MIB1: variants seen among roughly 807,000 people sequenced by gnomAD.
MIB1 encodes E3 ubiquitin-protein ligase MIB1.
MIB1 carries 278 observed loss-of-function variants against 124.5 expected under a neutral mutation model. That is an observed-to-expected ratio of 2.23 (90% confidence interval 2.02 to 2.47). The LOEUF is 2.47. MIB1 is among the 30% of genes most tolerant of loss of function. MIB1 has a pLI of 0.00. For missense variants in MIB1, 957 were observed against 1,254.4 expected, an observed-to-expected ratio of 0.76 and a Z score of 3.58; for synonymous variants, 446 against 429.4, an observed-to-expected ratio of 1.04 and a Z score of -0.48.
intron 1 of MIB1, among the ~76,000 whole-genome samples, chr18:21,757,297 C>T (rs1479530936): frequency 6.6e-6 from 1 of 150,814 alleles, no homozygotes; most frequent in African/African-American, 2.4e-5. Flanking sequence ...ACTGAAAATA[C>T]AAAAATTAGC....
intron 5 of MIB1, among the ~76,000 whole-genome samples, chr18:21,779,066 A>G (rs989028072): frequency 1.3e-5 from 2 of 152,188 alleles, no homozygotes; most frequent in Non-Finnish European, 2.9e-5. Context: ...TTAAAATAAG[A>G]TAGTACTAAG....
intron 14 of MIB1, among the ~76,000 whole-genome samples, 188 bp downstream of exon 14, chr18:21,843,405 T>C (rs1375453140): frequency 2.0e-5 from 3 of 152,212 alleles, no homozygotes; most frequent in Non-Finnish European, 2.9e-5. Context: ...TGAGATTGGC[T>C]TCTATATATA....
intron 10 of MIB1, among the ~76,000 whole-genome samples, chr18:21,810,194 A>G (rs1446471267): frequency 1.3e-4 from 20 of 152,120 alleles, no homozygotes; most frequent in Admixed American, 1.3e-3. Flanking sequence ...AACGAAGGAG[A>G]TAAGACTTAT....
At chr18:21,810,304 T>A (rs968510851) in intron 10 of MIB1, among the ~76,000 whole-genome samples, 2 of 151,126 alleles carry the variant, frequency 1.3e-5, no homozygotes, top group Non-Finnish European at 3.0e-5. Flanking sequence ...ATTGTTAAGA[T>A]GTCAGTACTA....
At chr18:21,820,727 A>G (rs1441234088) in intron 12 of MIB1, among the ~76,000 whole-genome samples, 1 of 152,214 alleles carries the variant, frequency 6.6e-6, no homozygotes, top group Admixed American at 6.5e-5. Context: ...CACATGCATC[A>G]TCTCACTTAA....
At chr18:21,843,461 T>C (rs191986842) in intron 14 of MIB1, among the ~76,000 whole-genome samples, 1 of 152,214 alleles carries the variant, frequency 6.6e-6, no homozygotes, top group African/African-American at 2.4e-5. Context: ...TAGAAGGGAT[T>C]AGGAAAATTG....
chr18:21,733,775 G>A (rs1294081748), intron 1 of MIB1, among the ~76,000 whole-genome samples: 1 of 151,442 alleles, frequency 6.6e-6, no homozygotes, highest in East Asian at 1.9e-4. Flanking sequence ...GTGCAATCTC[G>A]GCTCACTGCA....
Position 21,846,928 on chromosome 18 carries a change from CTTTAT to C in MIB1, c.2212-9_2212-5del. The C allele has an allele frequency of 6.2e-7, 1 of 1,611,098 alleles. No individual in the cohort carries two copies. On this transcript the variant is annotated splice_polypyrimidine_tract_variant and intron_variant, in intron 15 of 20. Coordinates refer to ENST00000261537, the MANE Select transcript of MIB1 (RefSeq NM_020774.4). ...GATTCCTAGAGGGAAAATCATGACTCTTTATTTTATTGCAGTTAATAATGGGACTT... is the reference window on the plus strand; with the variant it reads ...GATTCCTAGAGGGAAAATCATGACTCTTTATTGCAGTTAATAATGGGACTT...
chr18:21,727,760 CAAAT>C (rs2040749338), intron 1 of MIB1, among the ~76,000 whole-genome samples: 1 of 151,916 alleles, frequency 6.6e-6, no homozygotes, highest in East Asian at 1.9e-4. Context: ...TCTCAAAAAA[CAAAT>C]AGAGTCCAGA....
chr18:21,823,532 C>G (rs1223220511), intron 12 of MIB1, among the ~76,000 whole-genome samples: 1 of 152,052 alleles, frequency 6.6e-6, no homozygotes, highest in East Asian at 1.9e-4. Context: ...TTCAAAGGTG[C>G]AGATCAATAT....
rs146681424 is a variant in MIB1 at position 21,780,338 on chromosome 18, G to A, written c.908+653G>A. On this transcript the variant is annotated intron_variant, in intron 6 of 20. Transcript: ENST00000261537. Reference sequence around the variant, plus strand: ...TATCAAACATTAGATTTTTTTCCCCGTATCTAGCTGTAGTCTTGTACGCAT... The same window carrying A: ...TATCAAACATTAGATTTTTTTCCCCATATCTAGCTGTAGTCTTGTACGCAT... Among the ~76,000 whole-genome samples, 51 of 151,958 alleles carry A rather than the reference G, an allele frequency of 3.4e-4. No individual in the cohort carries two copies. The East Asian group carries it at 7.8e-3, about 23-fold the overall frequency.
At chr18:21,787,365 C>G (rs894298302) in intron 6 of MIB1, among the ~76,000 whole-genome samples, 1 of 152,178 alleles carries the variant, frequency 6.6e-6, no homozygotes, top group Non-Finnish European at 1.5e-5. Flanking sequence ...TGATGTCTCT[C>G]TTGGCTAAGA....
intron 18 of MIB1, 48 bp downstream of exon 18, chr18:21,853,266 G>A (rs1415471320): frequency 7.2e-7 from 1 of 1,379,586 alleles, no homozygotes; most frequent in Non-Finnish European, 1.0e-6. Flanking sequence ...AAAATAGAAA[G>A]TGAAACAAAA....
rs530585659 is a variant in MIB1, at chr18:21,815,680, T to C, written c.1544T>C (p.Val515Ala). ...AFGDEGAVIE[V>A]LHRGSADLNA... Reference sequence around the variant, plus strand: ...GGAGATGAAGGCGCTGTTATAGAAGTACTACATCGAGGTAGTGCTGATTTG... The same window carrying C: ...GGAGATGAAGGCGCTGTTATAGAAGCACTACATCGAGGTAGTGCTGATTTG... Residue 515 changes from valine (V) to alanine (A), a missense_variant, in exon 11 of 21, where the codon GTA becomes GCA. Coordinates refer to ENST00000261537, the MANE Select transcript of MIB1 (RefSeq NM_020774.4). 6.2e-7 allele frequency: 1 copy of C among 1,614,156 alleles called. No homozygotes were observed. Among genetic ancestry groups the C allele is most frequent in the African/African-American group, 1.3e-5 (1 of 75,056 alleles).
intron 1 of MIB1, among the ~76,000 whole-genome samples, chr18:21,732,089 G>A (rs1265410350): frequency 6.6e-6 from 1 of 151,854 alleles, no homozygotes; most frequent in Non-Finnish European, 1.5e-5. Flanking sequence ...ACTTTGGGAG[G>A]CTAAGGCAGG....
intron 9 of MIB1, among the ~76,000 whole-genome samples, chr18:21,803,520 G>A (rs2040227): frequency 0.05 from 7,603 of 152,180 alleles, 376 homozygotes; most frequent in African/African-American, 0.12. Flanking sequence ...ATCCCTAGCA[G>A]CTAATATCTT....
At chr18:21,708,251 T>A (rs1419505088) in intron 1 of MIB1, among the ~76,000 whole-genome samples, 1 of 152,134 alleles carries the variant, frequency 6.6e-6, no homozygotes, top group Non-Finnish European at 1.5e-5. Flanking sequence ...CTTAGGCAAA[T>A]CATTTACTCT....
At chr18:21,781,365 TTATATATATATATATATATA>T (rs57641355) in intron 6 of MIB1, among the ~76,000 whole-genome samples, 1,899 of 67,214 alleles carry the variant, frequency 0.028, 121 homozygotes, top group African/African-American at 0.085. Context: ...TCTGTTCAAG[TTATATATATATATATATATA>T]TATATATATA....
intron 20 of MIB1, among the ~76,000 whole-genome samples, chr18:21,859,768 A>C (rs1416571712): frequency 6.6e-6 from 1 of 150,628 alleles, no homozygotes; most frequent in Non-Finnish European, 1.5e-5. Flanking sequence ...GCGCACCTGT[A>C]GTCGCAGCTA....
Sources: gnomAD v4.1 joint callset for allele counts (sites outside exome capture counted in the v4.1 genomes callset) on GRCh38, gnomAD v4.1.1 for gene constraint, MANE v1.5 for transcripts, NCBI Gene and HGNC (gene_info 2026-07-23, HGNC 2026-07-21) for gene names.